NPAS3: variants seen among roughly 807,000 people sequenced by gnomAD.
NPAS3 encodes neuronal PAS domain protein 3, also known as neuronal PAS domain-containing protein 3.
A neutral mutation model predicts 73.1 loss-of-function variants in NPAS3; 14 were observed. The ratio of observed to expected loss-of-function variants is 0.19; its 90% confidence interval spans 0.13 to 0.30. The LOEUF (loss-of-function observed/expected upper bound fraction) is 0.30. Ranked by LOEUF, NPAS3 falls within the 10% of genes least tolerant of loss-of-function variation. The pLI is 1.00. For missense variants in NPAS3, 1,096 were observed against 1,250.0 expected, an observed-to-expected ratio of 0.88 and a Z score of 1.86; for synonymous variants, 620 against 541.5, an observed-to-expected ratio of 1.14 and a Z score of -2.01.
intron 1 of NPAS3, among the ~76,000 whole-genome samples, chr14:33,035,756 T>A (rs1355134081): frequency 8.5e-5 from 13 of 152,116 alleles, no homozygotes; most frequent in Admixed American, 7.2e-4. Context: ...TTGACATGAG[T>A]TCTTCTCTTT....
chr14:33,557,344 G>A (rs2055406319), intron 4 of NPAS3, among the ~76,000 whole-genome samples: 1 of 152,168 alleles, frequency 6.6e-6, no homozygotes, highest in Non-Finnish European at 1.5e-5. Flanking sequence ...TCCTGTGGAA[G>A]TAACTTAAGT....
intron 7 of NPAS3, among the ~76,000 whole-genome samples, chr14:33,747,102 G>A (rs2061829170): frequency 6.6e-6 from 1 of 151,900 alleles, no homozygotes; most frequent in Non-Finnish European, 1.5e-5. Context: ...ATACCCAAAT[G>A]ACTATAAATC....
In NPAS3 at chr14:33,279,021, A is replaced by G. The variant is rs367830523; in HGVS notation, c.385+63595A>G. Reference sequence around the variant, plus strand: ...TTTCTAAGTTAAAAAGCTTATTCCTATGTAAAAGTACCAGTGGTTCTCAAA... The same window carrying G: ...TTTCTAAGTTAAAAAGCTTATTCCTGTGTAAAAGTACCAGTGGTTCTCAAA... On this transcript the variant is annotated intron_variant, in intron 3 of 11. Transcript: ENST00000356141. Among the ~76,000 whole-genome samples, 8 of 152,176 alleles carry G rather than the reference A, an allele frequency of 5.3e-5. 1 individual carries two copies. In the East Asian group the frequency reaches 1.2e-3, roughly 22 times the overall value.
Position 32,982,939 on chromosome 14 carries a change from C to T in NPAS3, c.50+43573C>T, listed in dbSNP as rs559020671. Among the ~76,000 whole-genome samples the T allele has an allele frequency of 2.3e-3, 344 of 152,100 alleles. 2 individuals are homozygous for T. Among genetic ancestry groups the T allele is most frequent in the African/African-American group, 7.7e-3 (319 of 41,500 alleles). ...ATAATTTAAAAGTTTGAGGCTACAG[C>T]AGAAATGAAGTGTGTCTGATTTGGC... is the stretch of plus-strand genomic sequence containing the variant. On this transcript the variant is annotated intron_variant, in intron 1 of 11. Transcript: ENST00000356141.
chr14:33,763,216 C>T (rs993520563), intron 7 of NPAS3, among the ~76,000 whole-genome samples: 3 of 152,206 alleles, frequency 2.0e-5, no homozygotes, highest in South Asian at 2.1e-4. Context: ...TACTTGGCAC[C>T]GCCGTGGATT....
chr14:33,134,086 T>A (rs757037021), intron 2 of NPAS3, among the ~76,000 whole-genome samples: 1 of 152,154 alleles, frequency 6.6e-6, no homozygotes, highest in Non-Finnish European at 1.5e-5. Context: ...CACTTCTTTT[T>A]CTACCTACAA....
chr14:33,668,740 G>A (rs560738376), intron 5 of NPAS3, among the ~76,000 whole-genome samples: 29 of 152,292 alleles, frequency 1.9e-4, no homozygotes, highest in African/African-American at 6.5e-4. Context: ...GATCGCTTGA[G>A]CCCAGGAGGC....
At chr14:33,544,069 G>T (rs193302365) in intron 4 of NPAS3, among the ~76,000 whole-genome samples, 1 of 144,046 alleles carries the variant, frequency 6.9e-6, no homozygotes, top group African/African-American at 2.6e-5. Context: ...CCCAGGGTCT[G>T]GCACAGAGAC....
chr14:32,942,271 A>G (rs2139063473), intron 1 of NPAS3, among the ~76,000 whole-genome samples: 1 of 152,334 alleles, frequency 6.6e-6, no homozygotes, highest in Non-Finnish European at 1.5e-5. Context: ...ACAGAGAAAA[A>G]TATATCTTTT....
chr14:33,514,632 T>C (rs1396014981), intron 4 of NPAS3, among the ~76,000 whole-genome samples: 1 of 152,120 alleles, frequency 6.6e-6, no homozygotes, highest in East Asian at 1.9e-4. Flanking sequence ...AATTAGAACA[T>C]GAAAGAAAGA....
chr14:33,486,240 G>A (rs1014620170), intron 4 of NPAS3, among the ~76,000 whole-genome samples: 14 of 151,788 alleles, frequency 9.2e-5, no homozygotes, highest in Admixed American at 7.9e-4. Context: ...GTCTAACGGC[G>A]GCCAATTGTG....
intron 1 of NPAS3, among the ~76,000 whole-genome samples, chr14:33,014,278 C>T (rs964931815): frequency 4.6e-5 from 7 of 151,910 alleles, no homozygotes; most frequent in East Asian, 1.9e-4. Flanking sequence ...GTTTATTTAT[C>T]GAGAATATTT....
At chr14:33,294,202 C>T (rs2042207577) in intron 3 of NPAS3, among the ~76,000 whole-genome samples, 2 of 152,186 alleles carry the variant, frequency 1.3e-5, no homozygotes, top group Non-Finnish European at 2.9e-5. Flanking sequence ...ATGGTCTTCC[C>T]TTGGACTGCC....
intron 1 of NPAS3, among the ~76,000 whole-genome samples, chr14:33,017,403 G>C (rs1174032483): frequency 2.0e-5 from 3 of 152,202 alleles, no homozygotes; most frequent in African/African-American, 7.2e-5. Context: ...CACCTGAGAA[G>C]TGATAAATTA....
intron 2 of NPAS3, among the ~76,000 whole-genome samples, chr14:33,100,414 T>C (rs986594853): frequency 2.0e-5 from 3 of 152,182 alleles, no homozygotes; most frequent in African/African-American, 4.8e-5. Flanking sequence ...ATAACTGATA[T>C]CTATAGTCAT....
chr14:33,338,434 GT>G (rs1379943198), intron 3 of NPAS3, among the ~76,000 whole-genome samples: 1 of 152,092 alleles, frequency 6.6e-6, no homozygotes, highest in East Asian at 1.9e-4. Context: ...TTTTAGGTGT[GT>G]TTTGGTATAC....
chr14:33,171,808 T>G (rs1385762489), intron 2 of NPAS3, among the ~76,000 whole-genome samples: 1 of 152,258 alleles, frequency 6.6e-6, no homozygotes, highest in Non-Finnish European at 1.5e-5. Flanking sequence ...TGGCCTATCT[T>G]GCTTTTCGAC....
chr14:33,537,611 G>A (rs1019532407), intron 4 of NPAS3, among the ~76,000 whole-genome samples: 1 of 152,196 alleles, frequency 6.6e-6, no homozygotes, highest in Non-Finnish European at 1.5e-5. Context: ...GAGCCATCGT[G>A]AGTGGTGATA....
intron 6 of NPAS3, among the ~76,000 whole-genome samples, chr14:33,716,785 T>C (rs2060968348): frequency 6.6e-6 from 1 of 152,106 alleles, no homozygotes; most frequent in African/African-American, 2.4e-5. Flanking sequence ...CATGTCCTTT[T>C]TGTTGCTGTT....
Sources: allele counts gnomAD v4.1 joint callset (sites outside exome capture counted in the v4.1 genomes callset), GRCh38; gene constraint gnomAD v4.1.1; transcripts MANE v1.5; gene names NCBI Gene and HGNC (gene_info 2026-07-23, HGNC 2026-07-21).